TRPM3: variants seen among roughly 807,000 people sequenced by gnomAD.
TRPM3 encodes the protein transient receptor potential cation channel subfamily M member 3, also known as long transient receptor potential channel 3.
TRPM3 carries 77 observed loss-of-function variants against 181.2 expected under a neutral mutation model. The observed-to-expected ratio is 0.42, with a 90% CI of 0.35 to 0.51. The LOEUF (loss-of-function observed/expected upper bound fraction) is 0.51, where lower values mean the gene tolerates loss of function less well. TRPM3 is among the 20% of genes least tolerant of loss of function. The pLI is 0.01. For synonymous variants in TRPM3, 745 were observed against 796.4 expected, an observed-to-expected ratio of 0.94 and a Z score of 1.09; for missense variants, 1,759 against 2,196.7, an observed-to-expected ratio of 0.80 and a Z score of 3.98.
Position 70,752,240 on chromosome 9 carries a change from A to G in TRPM3, c.1272+9361T>C, listed in dbSNP as rs1409586196. On this transcript the variant is annotated intron_variant, in intron 8 of 25. Coordinates refer to ENST00000677713, the MANE Select transcript of TRPM3 (RefSeq NM_001366145.2). ...AAAAATAGGGCACCAGGGAAGGACT[A>G]GACAAGTAGGGAAGCCAGAAAGGCT... 5.9e-5 allele frequency among the ~76,000 whole-genome samples: 9 copies of G among 152,314 alleles called. No individual in the cohort carries two copies. In the Middle Eastern group the frequency reaches 0.01, roughly 174 times the overall value.
intron 6 of TRPM3, chr9:70,826,612 T>C (rs1215854352): frequency 6.6e-6 from 1 of 152,292 alleles, no homozygotes; most frequent in South Asian, 2.1e-4. Flanking sequence ...ACATCCCTGT[T>C]TTTGGAGGAA....
At chr9:70,658,356 T>A (rs923412415) in intron 9 of TRPM3, among the ~76,000 whole-genome samples, 3 of 152,192 alleles carry the variant, frequency 2.0e-5, no homozygotes, top group Non-Finnish European at 4.4e-5. Flanking sequence ...TGTATTTTTC[T>A]GACCTAATTA....
At chr9:70,623,334 C>G (rs1183056128) in intron 14 of TRPM3, among the ~76,000 whole-genome samples, 8 of 150,002 alleles carry the variant, frequency 5.3e-5, no homozygotes, top group Non-Finnish European at 1.2e-4. Flanking sequence ...CCACTGCACT[C>G]CAGTCTGGGC....
rs200741686 is a variant in TRPM3, at chr9:71,009,860, AG to A, written c.177+111317del. On this transcript the variant is annotated intron_variant, in intron 1 of 25. Coordinates refer to ENST00000677713, the MANE Select transcript of TRPM3 (RefSeq NM_001366145.2). ...AAAGCTATAGTAAGCAAAAAAGCATAGTACTGTCATAAAAACAGATGCACAT... is the reference window on the plus strand; with the variant it reads ...AAAGCTATAGTAAGCAAAAAAGCATATACTGTCATAAAAACAGATGCACAT... Among the ~76,000 whole-genome samples, 756 of 152,316 alleles carry A rather than the reference AG, an allele frequency of 5.0e-3. 19 individuals are homozygous for A. The East Asian group carries it at 0.078, about 16-fold the overall frequency.
intron 1 of TRPM3, among the ~76,000 whole-genome samples, chr9:71,069,176 G>C (rs1450295581): frequency 6.6e-6 from 1 of 152,166 alleles, no homozygotes; most frequent in Non-Finnish European, 1.5e-5. Flanking sequence ...AAAACAAAGT[G>C]GGCAGCAGTA....
intron 1 of TRPM3, among the ~76,000 whole-genome samples, chr9:71,068,174 C>T (rs746757468): frequency 2.0e-4 from 31 of 152,236 alleles, no homozygotes; most frequent in Non-Finnish European, 3.7e-4. Flanking sequence ...GGAAGCAACT[C>T]TTCTTCATGG....
chr9:71,336,430 C>T (rs2090561679), intron 1 of TRPM3, among the ~76,000 whole-genome samples: 1 of 152,092 alleles, frequency 6.6e-6, no homozygotes, highest in African/African-American at 2.4e-5. Flanking sequence ...GAACTACAAA[C>T]CACTGCTCAA....
chr9:70,873,108 T>C (rs1371754576), intron 1 of TRPM3, among the ~76,000 whole-genome samples: 1 of 151,960 alleles, frequency 6.6e-6, no homozygotes, highest in East Asian at 1.9e-4. Flanking sequence ...TAAAAATGAT[T>C]TTTGGATAAG....
chr9:71,344,295 A>G (rs2091158181), intron 1 of TRPM3, among the ~76,000 whole-genome samples: 3 of 152,076 alleles, frequency 2.0e-5, no homozygotes, highest in African/African-American at 7.2e-5. Context: ...ACCAAAAAAT[A>G]CAAAAATTAG....
chr9:70,668,815 T>G (rs1305237803), intron 9 of TRPM3, among the ~76,000 whole-genome samples: 2 of 152,232 alleles, frequency 1.3e-5, no homozygotes, highest in Admixed American at 6.5e-5. Context: ...AGCTACTTAT[T>G]TCAGAATTGT....
chr9:71,120,425 G>A (rs1427499800), intron 1 of TRPM3, among the ~76,000 whole-genome samples: 1 of 152,138 alleles, frequency 6.6e-6, no homozygotes, highest in Non-Finnish European at 1.5e-5. Flanking sequence ...GAGTTGTATG[G>A]ACTTTTTCAG....
At chr9:71,299,804 T>G (rs1266383280) in intron 1 of TRPM3, among the ~76,000 whole-genome samples, 1 of 152,018 alleles carries the variant, frequency 6.6e-6, no homozygotes, top group Non-Finnish European at 1.5e-5. Context: ...AACTGAAAAT[T>G]TGTGGGAAAA....
intron 1 of TRPM3, among the ~76,000 whole-genome samples, chr9:71,024,310 C>A (rs73647933): frequency 6.6e-6 from 1 of 152,102 alleles, no homozygotes; most frequent in Non-Finnish European, 1.5e-5. Flanking sequence ...GTATCAAGAA[C>A]TGAGTCACTA....
At chr9:70,752,796 TGTTG>T (rs1358000980) in intron 8 of TRPM3, among the ~76,000 whole-genome samples, 2 of 152,082 alleles carry the variant, frequency 1.3e-5, no homozygotes, top group African/African-American at 4.8e-5. Context: ...TAGTAGGCTA[TGTTG>T]TCTAGGTTTT....
intron 1 of TRPM3, among the ~76,000 whole-genome samples, chr9:71,130,793 G>T (rs1475297755): frequency 6.6e-6 from 1 of 152,152 alleles, no homozygotes; most frequent in East Asian, 1.9e-4. Flanking sequence ...GAAGGAGAGA[G>T]ATGATAATAG....
chr9:70,667,609 G>C (rs888484472), intron 9 of TRPM3, among the ~76,000 whole-genome samples: 20 of 152,098 alleles, frequency 1.3e-4, no homozygotes, highest in African/African-American at 4.8e-4. Context: ...GTAGAGGAGA[G>C]GATATGGCAT....
chr9:70,667,362 T>G (rs1163134170), intron 9 of TRPM3, among the ~76,000 whole-genome samples: 1 of 152,168 alleles, frequency 6.6e-6, no homozygotes, highest in Non-Finnish European at 1.5e-5. Flanking sequence ...CTTCCAGTCT[T>G]TTGCCTGGAG....
At chr9:70,981,834 G>GA (rs929260196) in intron 1 of TRPM3, among the ~76,000 whole-genome samples, 28 of 152,000 alleles carry the variant, frequency 1.8e-4, no homozygotes, top group Admixed American at 9.8e-4. Flanking sequence ...GAAAGCAATA[G>GA]AAAAAAACCT....
chr9:70,552,766 T>C, intron 24 of TRPM3, 78 bp downstream of exon 24: 1 of 1,481,012 alleles, frequency 6.8e-7, no homozygotes, highest in African/African-American at 1.4e-5. Context: ...TAGGTGGGCA[T>C]GCGATTCTGC....
Sources: gnomAD v4.1 joint callset for allele counts (sites outside exome capture counted in the v4.1 genomes callset) on GRCh38, gnomAD v4.1.1 for gene constraint, MANE v1.5 for transcripts, NCBI Gene and HGNC (gene_info 2026-07-23, HGNC 2026-07-21) for gene names.